Variants in VKORC1L1 observed in about 807,000 individuals in gnomAD.
VKORC1L1 encodes vitamin K epoxide reductase complex subunit 1-like protein 1.
In VKORC1L1, 2 loss-of-function variants were observed where a neutral mutation model predicts 18.9. The observed-to-expected ratio is 0.11, with a 90% CI of 0.04 to 0.33. The LOEUF is 0.33. VKORC1L1 is among the 10% of genes least tolerant of loss of function. The pLI, the probability that VKORC1L1 is intolerant of heterozygous loss-of-function variation, is 1.00. For synonymous variants in VKORC1L1, 96 were observed against 100.0 expected, an observed-to-expected ratio of 0.96 and a Z score of 0.24; for missense variants, 123 against 224.1, an observed-to-expected ratio of 0.55 and a Z score of 2.88.
intron 1 of VKORC1L1, among the ~76,000 whole-genome samples, chr7:65,889,224 G>A (rs1157122707): frequency 8.5e-5 from 13 of 152,084 alleles, no homozygotes; most frequent in Non-Finnish European, 1.6e-4. Flanking sequence ...TCACTCATGG[G>A]TGAATCCAAC....
At chr7:65,949,400 A>G (rs1466018046) in intron 2 of VKORC1L1, among the ~76,000 whole-genome samples, 1 of 151,860 alleles carries the variant, frequency 6.6e-6, no homozygotes, top group African/African-American at 2.4e-5. Context: ...AGTCACTTGA[A>G]CCCGGGAGAC....
chr7:65,884,647 A>G (rs1425922959), intron 1 of VKORC1L1, among the ~76,000 whole-genome samples: 1 of 152,084 alleles, frequency 6.6e-6, no homozygotes, highest in Admixed American at 6.6e-5. Flanking sequence ...AAAAAAGAAA[A>G]TATTACCACT....
At chr7:65,886,852 T>TTTG (rs1371225729) in intron 1 of VKORC1L1, among the ~76,000 whole-genome samples, 1 of 138,716 alleles carries the variant, frequency 7.2e-6, no homozygotes, top group Non-Finnish European at 1.6e-5. Flanking sequence ...TTTTTTTTTT[T>TTTG]TTTTTTTTTT....
chr7:65,880,018 T>C (rs997186962), intron 1 of VKORC1L1, among the ~76,000 whole-genome samples: 1 of 152,008 alleles, frequency 6.6e-6, no homozygotes, highest in Non-Finnish European at 1.5e-5. Context: ...CATGCCTAGC[T>C]AATTTTTTCT....
At chr7:65,898,879 ACTACT>A (rs1789262563) in intron 1 of VKORC1L1, among the ~76,000 whole-genome samples, 2 of 152,114 alleles carry the variant, frequency 1.3e-5, no homozygotes, top group African/African-American at 4.8e-5. Flanking sequence ...TATGAATTTG[ACTACT>A]CTAGATAGCT....
chr7:65,889,262 G>A (rs1468862483), intron 1 of VKORC1L1, among the ~76,000 whole-genome samples: 4 of 151,620 alleles, frequency 2.6e-5, no homozygotes, highest in African/African-American at 4.8e-5. Context: ...AACCTCTGCT[G>A]TTGAGTACTT....
intron 1 of VKORC1L1, among the ~76,000 whole-genome samples, chr7:65,877,537 A>G (rs1219869646): frequency 6.6e-6 from 1 of 152,072 alleles, no homozygotes; most frequent in Non-Finnish European, 1.5e-5. Context: ...TAGTAGAGAC[A>G]GGGTCTTGCC....
chr7:65,932,862 G>T (rs1270847474), intron 1 of VKORC1L1, among the ~76,000 whole-genome samples: 1 of 151,938 alleles, frequency 6.6e-6, no homozygotes, highest in African/African-American at 2.4e-5. Flanking sequence ...GGTGGATCAC[G>T]AGGTCAGGAG....
At chr7:65,920,526 A>C (rs1789658387) in intron 1 of VKORC1L1, among the ~76,000 whole-genome samples, 1 of 152,160 alleles carries the variant, frequency 6.6e-6, no homozygotes, top group Admixed American at 6.5e-5. Context: ...TTGAGATAGA[A>C]GCTCTTGAGA....
chr7:65,952,488 G>A (rs1462366852), intron 2 of VKORC1L1, among the ~76,000 whole-genome samples: 1 of 152,066 alleles, frequency 6.6e-6, no homozygotes, highest in Non-Finnish European at 1.5e-5. Flanking sequence ...TAGGCCCGTG[G>A]CTGTGCGGCA....
intron 1 of VKORC1L1, among the ~76,000 whole-genome samples, chr7:65,931,479 G>A (rs1789856530): frequency 6.6e-6 from 1 of 152,056 alleles, no homozygotes; most frequent in Non-Finnish European, 1.5e-5. Flanking sequence ...TTTCATCTAA[G>A]TTGTCAAATT....
At chr7:65,877,696 C>G (rs563930233) in intron 1 of VKORC1L1, among the ~76,000 whole-genome samples, 34 of 152,258 alleles carry the variant, frequency 2.2e-4, no homozygotes, top group African/African-American at 8.2e-4. Context: ...ATAAGACCCC[C>G]TCTAAGAAGG....
intron 1 of VKORC1L1, among the ~76,000 whole-genome samples, chr7:65,933,512 A>T (rs976470884): frequency 2.0e-5 from 3 of 151,502 alleles, no homozygotes; most frequent in Non-Finnish European, 2.9e-5. Context: ...CATTTTCTGG[A>T]TTTCTTTTGA....
At chr7:65,900,703 G>A (rs1789300936) in intron 1 of VKORC1L1, among the ~76,000 whole-genome samples, 1 of 152,094 alleles carries the variant, frequency 6.6e-6, no homozygotes, top group Non-Finnish European at 1.5e-5. Flanking sequence ...TACTCGGGAG[G>A]CTAAGGCATG....
intron 1 of VKORC1L1, among the ~76,000 whole-genome samples, chr7:65,932,251 C>G (rs1370729215): frequency 6.6e-6 from 1 of 151,828 alleles, no homozygotes; most frequent in African/African-American, 2.4e-5. Flanking sequence ...GCACCCGCCA[C>G]CACCTCCAGC....
chr7:65,891,195 T>C (rs1027844805), intron 1 of VKORC1L1, among the ~76,000 whole-genome samples: 7 of 151,814 alleles, frequency 4.6e-5, no homozygotes, highest in African/African-American at 1.7e-4. Flanking sequence ...ATATTACCCT[T>C]TGTTTATTCA....
chr7:65,873,986 C>G (rs1788780655), intron 1 of VKORC1L1, among the ~76,000 whole-genome samples: 1 of 152,160 alleles, frequency 6.6e-6, no homozygotes, highest in Non-Finnish European at 1.5e-5. Flanking sequence ...CCCTTGAGAC[C>G]AGCGGCAACC....
At chr7:65,889,780 A>G (rs527373727) in intron 1 of VKORC1L1, among the ~76,000 whole-genome samples, 1 of 152,204 alleles carries the variant, frequency 6.6e-6, no homozygotes, top group African/African-American at 2.4e-5. Context: ...TAGTTTTGCT[A>G]TTTGAACTTT....
intron 1 of VKORC1L1, among the ~76,000 whole-genome samples, chr7:65,945,925 AT>A (rs1790112837): frequency 6.7e-6 from 1 of 148,426 alleles, no homozygotes; most frequent in Non-Finnish European, 1.5e-5. Context: ...AAAGGCAGTG[AT>A]TTAAATTGGA....
Sources: allele counts gnomAD v4.1 joint callset (sites outside exome capture counted in the v4.1 genomes callset), GRCh38; gene constraint gnomAD v4.1.1; transcripts MANE v1.5; gene names NCBI Gene and HGNC (gene_info 2026-07-23, HGNC 2026-07-21).